Variants in PSMB2 observed in about 807,000 individuals in gnomAD.
PSMB2 encodes proteasome subunit beta type-2.
Under a neutral mutation model 25.7 loss-of-function variants are expected in PSMB2, and 13 were observed. The ratio of observed to expected loss-of-function variants is 0.51; its 90% confidence interval spans 0.33 to 0.80. PSMB2 has a LOEUF of 0.80. Ranked by LOEUF, PSMB2 falls within the 30% of genes least tolerant of loss-of-function variation. PSMB2 has a pLI of 0.02. For missense variants in PSMB2, 202 were observed against 259.0 expected (o/e 0.78, Z 1.51); for synonymous variants, 87 against 96.2 (o/e 0.90, Z 0.56).
At chr1:35,628,508 A>T (rs554144844) in intron 3 of PSMB2, among the ~76,000 whole-genome samples, 1 of 146,382 alleles carries the variant, frequency 6.8e-6, no homozygotes, top group Admixed American at 7.0e-5. Flanking sequence ...AAAAACTAAT[A>T]TCTGACCCAT....
At chr1:35,603,404 A>C (rs780600819) in intron 5 of PSMB2, 30 bp from the exon 6 acceptor site, 196 of 1,611,466 alleles carry the variant, frequency 1.2e-4, no homozygotes, top group Non-Finnish European at 1.6e-4. Flanking sequence ...AAATCAGTCA[A>C]CAAATGATTA....
At chr1:35,606,218 G>A (rs778817724) in intron 4 of PSMB2, among the ~76,000 whole-genome samples, 4 of 152,112 alleles carry the variant, frequency 2.6e-5, no homozygotes, top group Non-Finnish European at 5.9e-5. Context: ...CTTAGGCAAG[G>A]GGAGGAAATA....
chr1:35,622,359 G>A (rs1013973040), intron 3 of PSMB2, among the ~76,000 whole-genome samples: 3 of 152,138 alleles, frequency 2.0e-5, no homozygotes, highest in African/African-American at 7.2e-5. Context: ...CTTAAAAGTT[G>A]GGGGTAAATC....
chr1:35,631,028 G>A (rs1471242136), intron 3 of PSMB2, among the ~76,000 whole-genome samples: 1 of 152,168 alleles, frequency 6.6e-6, no homozygotes, highest in Non-Finnish European at 1.5e-5. Context: ...AAAAGGGTAA[G>A]TTGTCACAGG....
chr1:35,604,545 C>T (rs1259403408), intron 5 of PSMB2, among the ~76,000 whole-genome samples: 5 of 151,986 alleles, frequency 3.3e-5, no homozygotes, highest in Admixed American at 2.0e-4. Flanking sequence ...TTTGGGAGGC[C>T]GAGGCAGGCG....
Position 35,609,239 on chromosome 1 carries a change from T to C in PSMB2, c.448+7A>G. The C allele has an allele frequency of 1.4e-5, 22 of 1,585,458 alleles. No homozygotes were observed. Among genetic ancestry groups the C allele is most frequent in the Non-Finnish European group, 1.9e-5 (22 of 1,164,234 alleles). On this transcript the variant is annotated splice_region_variant and intron_variant, in intron 4 of 5. Coordinates refer to ENST00000373237, the MANE Select transcript of PSMB2 (RefSeq NM_002794.5). The stretch of plus-strand genomic sequence containing the variant: ...CACTGCTCCCTCCCTAGAGTATTAA[T>C]ACTTACTCGGTGTGTAGTATCGGTC...
intron 3 of PSMB2, among the ~76,000 whole-genome samples, chr1:35,615,650 G>A (rs749064147): frequency 2.0e-5 from 3 of 152,176 alleles, no homozygotes; most frequent in Non-Finnish European, 2.9e-5. Flanking sequence ...AGAGGTGGGC[G>A]TGAGGAAGCA....
chr1:35,625,746 AGTGAGACTCCGT>A (rs1252304701), intron 3 of PSMB2, among the ~76,000 whole-genome samples: 2 of 151,072 alleles, frequency 1.3e-5, no homozygotes, highest in African/African-American at 4.9e-5. Flanking sequence ...TGGGTGACAC[AGTGAGACTCCGT>A]CTCAAAAAAA....
chr1:35,600,939 T>C lies in PSMB2; in HGVS notation c.*2328A>G. ...TATTACTTCATGGAATTCTCATATC[T>C]ACCACATAGAATAGGTGCTATTTCA... On this transcript the variant is annotated 3_prime_UTR_variant, in exon 6 of 6. Transcript: ENST00000373237. 1 of 984,902 alleles carries C rather than the reference T, an allele frequency of 1.0e-6. No individual in the cohort carries two copies. Among genetic ancestry groups the C allele is most frequent in the East Asian group, 1.1e-4 (1 of 8,810 alleles). The allele number at this position is 984,902 out of a possible 1,614,324, so 61.0% of individuals were successfully genotyped here.
chr1:35,636,583 A>ATTAT lies in PSMB2; in HGVS notation c.92-155_92-152dup, dbSNP rs1467443776. On this transcript the variant is annotated intron_variant, in intron 1 of 5. Transcript: ENST00000373237. ...ACAATTCAACAAACTATGGATCAAA[A>ATTAT]TTATTCAGAAAAAAAAAAAAATGGA... 3.3e-6 allele frequency: 3 copies of ATTAT among 901,022 alleles called. No individual in the cohort carries two copies. In the African/African-American group the frequency reaches 5.6e-5, roughly 17 times the overall value. The allele number at this position is 901,022 out of a possible 1,614,324, so 55.8% of individuals were successfully genotyped here.
In PSMB2 at chr1:35,603,312, G is replaced by A; in HGVS notation, c.561C>T (p.Gly187=). 1 of 1,614,020 alleles carries A rather than the reference G, an allele frequency of 6.2e-7. No homozygotes were observed. The highest frequency in any genetic ancestry group is 1.1e-5 in the South Asian group (1 of 91,082). Residue 187 remains glycine (G), a synonymous_variant, in exon 6 of 6, where the codon GGC becomes GGT. Coordinates refer to ENST00000373237, the MANE Select transcript of PSMB2 (RefSeq NM_002794.5). ...AGGAAATGTTATCCAGGTCATGGAT[G>A]CCATTTTTGTCAATGATTCGAACAC... ...TFSVRIIDKN[G]IHDLDNISFP...
In PSMB2 at chr1:35,600,458, T is replaced by C. The variant is rs1181244300; in HGVS notation, c.*2809A>G. On this transcript the variant is annotated 3_prime_UTR_variant, in exon 6 of 6. Transcript: ENST00000373237. ...CTGAATAAGGGGTATAAGGACACCA[T>C]ATTATCTTTGCAACTTTTCTGTAAA... is the stretch of plus-strand genomic sequence containing the variant. The C allele has an allele frequency of 3.3e-6, 3 of 917,064 alleles. No individual in the cohort carries two copies. The highest frequency in any genetic ancestry group is 3.6e-5 in the African/African-American group (2 of 55,608). 56.8% of individuals were successfully genotyped at this position (917,064 alleles called of 1,614,324 possible). A position where few individuals can be genotyped will look rare whatever the true frequency, so the allele number is the denominator to read the frequency against.
chr1:35,626,119 T>G (rs1159377469), intron 3 of PSMB2, among the ~76,000 whole-genome samples: 1 of 152,212 alleles, frequency 6.6e-6, no homozygotes, highest in Non-Finnish European at 1.5e-5. Context: ...ATTACCGGCA[T>G]GAGCCACTGT....
intron 3 of PSMB2, among the ~76,000 whole-genome samples, chr1:35,609,823 G>T (rs1473022637): frequency 6.6e-6 from 1 of 152,086 alleles, no homozygotes; most frequent in Non-Finnish European, 1.5e-5. Flanking sequence ...AATGATTGAG[G>T]TGAGAGATAC....
intron 3 of PSMB2, among the ~76,000 whole-genome samples, chr1:35,611,441 C>T (rs1327641599): frequency 2.0e-5 from 3 of 152,108 alleles, no homozygotes; most frequent in Non-Finnish European, 2.9e-5. Context: ...CTCCTAGGCT[C>T]AAGTGAATTT....
rs74064233 is a variant in PSMB2 at position 35,601,441 on chromosome 1, T to C, written c.*1826A>G. Reference sequence around the variant, plus strand: ...CTAGCTAAAAGCTCAAACCTATGCATATTCATGGTGGTGTTGGAGGTTGAA... The same window carrying C: ...CTAGCTAAAAGCTCAAACCTATGCACATTCATGGTGGTGTTGGAGGTTGAA... On this transcript the variant is annotated 3_prime_UTR_variant, in exon 6 of 6. Coordinates refer to ENST00000373237, the MANE Select transcript of PSMB2 (RefSeq NM_002794.5). The C allele has an allele frequency of 7.1e-6, 7 of 985,362 alleles. No homozygotes were observed. The highest frequency in any genetic ancestry group is 1.1e-4 in the East Asian group (1 of 8,806). The allele number at this position is 985,362 out of a possible 1,614,324, so 61.0% of individuals were successfully genotyped here. A position where few individuals can be genotyped will look rare whatever the true frequency, so the allele number is the denominator to read the frequency against.
In PSMB2 at chr1:35,605,180, C is replaced by G. The variant is rs1330139760; in HGVS notation, c.498+53G>C. 4.5e-6 allele frequency: 7 copies of G among 1,540,360 alleles called. No individual in the cohort carries two copies. The Admixed American group carries it at 1.3e-4, about 29-fold the overall frequency. On this transcript the variant is annotated intron_variant, in intron 5 of 5. Coordinates refer to ENST00000373237, the MANE Select transcript of PSMB2 (RefSeq NM_002794.5). The stretch of plus-strand genomic sequence containing the variant: ...ATATAACTGAGGAACAGGAACAACA[C>G]TGGCAAACAGAGAGACAAACATTCC...
Position 35,601,689 on chromosome 1 carries a change from A to G in PSMB2, c.*1578T>C. ...CAAAAACCTATCTGTATATGATATT[A>G]AGAGGAGCACAGAATTGGATAAAGT... On this transcript the variant is annotated 3_prime_UTR_variant, in exon 6 of 6. Transcript: ENST00000373237. 1 of 985,444 alleles carries G rather than the reference A, an allele frequency of 1.0e-6. No individual in the cohort carries two copies. The highest frequency in any genetic ancestry group is 1.2e-6 in the Non-Finnish European group (1 of 829,916). The allele number at this position is 985,444 out of a possible 1,614,324, so 61.0% of individuals were successfully genotyped here.
chr1:35,603,727 A>C (rs1650075481), intron 5 of PSMB2, among the ~76,000 whole-genome samples: 1 of 152,352 alleles, frequency 6.6e-6, no homozygotes, highest in Middle Eastern at 3.4e-3. Context: ...GTCTCAAGAT[A>C]ATAAGCTAAC....
Sources: gnomAD v4.1 joint callset for allele counts (sites outside exome capture counted in the v4.1 genomes callset) on GRCh38, gnomAD v4.1.1 for gene constraint, MANE v1.5 for transcripts, NCBI Gene and HGNC (gene_info 2026-07-23, HGNC 2026-07-21) for gene names.